The following COPG1 variants were observed in gnomAD, a reference collection of about 807,000 sequenced individuals.
The protein encoded by COPG1 is coatomer subunit gamma-1.
A neutral mutation model predicts 102.8 loss-of-function variants in COPG1; 29 were observed. The ratio of observed to expected loss-of-function variants is 0.28; its 90% CI spans 0.21 to 0.38. COPG1 has a LOEUF of 0.38. COPG1 is among the 10% of genes least tolerant of loss of function. COPG1 has a pLI of 1.00. For missense variants in COPG1, 875 were observed against 1,132.7 expected (o/e 0.77, Z 3.27); for synonymous variants, 406 against 421.6 (o/e 0.96, Z 0.45).
At chr3:129,255,708 C>T (rs533628455) in intron 7 of COPG1, among the ~76,000 whole-genome samples, 4 of 151,378 alleles carry the variant, frequency 2.6e-5, no homozygotes, top group Non-Finnish European at 5.9e-5. Context: ...GTCTTGAGCT[C>T]CTGACTTCAA....
At chr3:129,253,121 G>A in intron 5 of COPG1, 166 bp downstream of exon 5, 2 of 570,148 alleles carry the variant, frequency 3.5e-6, no homozygotes. Context: ...CAGGTGTGCT[G>A]TTTCTATTTT....
intron 1 of COPG1, 80 bp downstream of exon 1, chr3:129,249,826 G>A (rs1939654702): frequency 4.8e-6 from 7 of 1,450,996 alleles, no homozygotes; most frequent in Non-Finnish European, 4.7e-6. Flanking sequence ...GTCCTGACCC[G>A]GAGGCTGAGG....
intron 10 of COPG1, 134 bp downstream of exon 10, chr3:129,257,994 C>T: frequency 1.8e-6 from 2 of 1,111,878 alleles, no homozygotes; most frequent in South Asian, 3.1e-5. Flanking sequence ...AAGCACCTGC[C>T]CCAGACACTA....
At chr3:129,272,577 A>G (rs568701627) in intron 20 of COPG1, among the ~76,000 whole-genome samples, 162 bp downstream of exon 20, 1 of 151,788 alleles carries the variant, frequency 6.6e-6, no homozygotes, top group African/African-American at 2.4e-5. Context: ...CTTCTTTAAA[A>G]ATTTTTTTTT....
chr3:129,255,976 T>C, intron 7 of COPG1, 92 bp from the exon 8 acceptor site: 1 of 1,090,428 alleles, frequency 9.2e-7, no homozygotes, highest in East Asian at 2.4e-5. Flanking sequence ...GGCGAGCCCC[T>C]GAGCTGTGTC....
In COPG1 at chr3:129,249,634, A is replaced by T; in HGVS notation, c.-76A>T. The T allele has an allele frequency of 6.6e-7, 1 of 1,508,324 alleles. No individual in the cohort carries two copies. Among genetic ancestry groups the T allele is most frequent in the Non-Finnish European group, 9.0e-7 (1 of 1,110,320 alleles). The allele number at this position is 1,508,324 out of a possible 1,614,324, so 93.4% of individuals were successfully genotyped here. On this transcript the variant is annotated 5_prime_UTR_variant, in exon 1 of 24. Coordinates refer to ENST00000314797, the MANE Select transcript of COPG1 (RefSeq NM_016128.4). ...CGGGGCCCGGAAGTGGTCCCTGTAG[A>T]ACCACTGTGGCACCGCTACTCCGTG...
At chr3:129,263,720 G>C (rs1177058150) in intron 12 of COPG1, among the ~76,000 whole-genome samples, 184 bp from the exon 13 acceptor site, 1 of 149,644 alleles carries the variant, frequency 6.7e-6, no homozygotes, top group Non-Finnish European at 1.5e-5. Flanking sequence ...CACTGCCTTG[G>C]GTGGGCTCAG....
rs184639902 is a variant in COPG1, at chr3:129,275,035, T to C, written c.2395+59T>C. On this transcript the variant is annotated intron_variant, in intron 22 of 23. Transcript: ENST00000314797. This position sits in a 1 kb window ranked among gnomAD's most constrained non-coding sequence, Gnocchi z 5.0. ...TACTGTTCAAGATCTTTGGCTACTA[T>C]TGAAGTGCTCATCCCTTTTCTCTCC... 81 of 1,586,846 alleles carry C rather than the reference T, an allele frequency of 5.1e-5. No individual in the cohort carries two copies. In the African/African-American group the frequency reaches 8.9e-4, roughly 17 times the overall value.
rs200180851 is a variant in COPG1, at chr3:129,254,951, G to A, written c.400-34G>A. The A allele has an allele frequency of 3.8e-6, 6 of 1,567,950 alleles. No homozygotes were observed. The East Asian group carries it at 1.3e-4, about 35-fold the overall frequency. The stretch of plus-strand genomic sequence containing the variant: ...TCCTGAGAGCTGCCAAGGACTGACT[G>A]GATCTCCTTCCACCCTGCTCCTTTT... On this transcript the variant is annotated intron_variant, in intron 6 of 23. Transcript: ENST00000314797.
chr3:129,271,324 GATAAAT>G lies in COPG1; in HGVS notation c.1844-439_1844-434del, dbSNP rs562322878. The stretch of plus-strand genomic sequence containing the variant: ...TCTTTATTGGCCATTTGTCTTAACT[GATAAAT>G]ATATAGGACCAGTTTGTTATTTTGT... On this transcript the variant is annotated intron_variant, in intron 18 of 23. Coordinates refer to ENST00000314797, the MANE Select transcript of COPG1 (RefSeq NM_016128.4). This position sits in a 1 kb window ranked among gnomAD's most constrained non-coding sequence, Gnocchi z 4.7. Among the ~76,000 whole-genome samples, 44 of 152,324 alleles carry G rather than the reference GATAAAT, an allele frequency of 2.9e-4. No individual in the cohort carries two copies. Among genetic ancestry groups the G allele is most frequent in the Admixed American group, 2.7e-3 (42 of 15,302 alleles).
Position 129,275,210 on chromosome 3 carries a change from T to G in COPG1, c.2412T>G (p.Ile804Met). The G allele has an allele frequency of 6.2e-7, 1 of 1,614,154 alleles. No homozygotes were observed. The highest frequency in any genetic ancestry group is 8.5e-7 in the Non-Finnish European group (1 of 1,179,978). ...TCATTACAGAGGCTGTGGGTAATAT[T>G]GTGAAGTTCTTGGGAATGCACCCTT... ...IKTLEEAVGNIVKFLGMHPCE... is the reference protein window; with the variant it reads ...IKTLEEAVGNMVKFLGMHPCE... Residue 804 changes from isoleucine (I) to methionine (M), a missense_variant, in exon 23 of 24, where the codon ATT becomes ATG. Coordinates refer to ENST00000314797, the MANE Select transcript of COPG1 (RefSeq NM_016128.4). This position sits in a 1 kb window ranked among gnomAD's most constrained non-coding sequence, Gnocchi z 5.0.
chr3:129,267,880 T>C, intron 15 of COPG1, 57 bp from the exon 16 acceptor site: 2 of 1,344,458 alleles, frequency 1.5e-6, no homozygotes, highest in East Asian at 4.6e-5. Context: ...CCATGCAGGA[T>C]CCCTCCTGCC....
intron 10 of COPG1, among the ~76,000 whole-genome samples, chr3:129,259,293 T>G (rs1026369550): frequency 2.0e-5 from 3 of 151,960 alleles, no homozygotes; most frequent in Non-Finnish European, 2.9e-5. Context: ...AAACCCCATC[T>G]CTACTAAAAA....
At chr3:129,260,886 G>T (rs1939913446) in intron 12 of COPG1, 79 bp downstream of exon 12, 4 of 1,464,552 alleles carry the variant, frequency 2.7e-6, no homozygotes, top group Non-Finnish European at 2.8e-6. Flanking sequence ...CAGCCTTCCT[G>T]CCAGGACTGA....
At chr3:129,272,182 T>C (rs1402584426) in intron 19 of COPG1, 62 bp from the exon 20 acceptor site, 1 of 1,486,582 alleles carries the variant, frequency 6.7e-7, no homozygotes, top group East Asian at 2.3e-5. Context: ...CTCCTGGCTT[T>C]TCCTCTGCAG....
At chr3:129,274,112 G>A (rs1022610645) in intron 21 of COPG1, 33 of 455,908 alleles carry the variant, frequency 7.2e-5, no homozygotes, top group Non-Finnish European at 1.3e-4. Context: ...AAATGACCCC[G>A]AGGCAGGAGC....
intron 4 of COPG1, 27 bp downstream of exon 4, chr3:129,252,721 G>T (rs769372391): frequency 6.2e-7 from 1 of 1,607,722 alleles, no homozygotes; most frequent in South Asian, 1.1e-5. Context: ...AGCTTTCCTT[G>T]AGAGGTGGCA....
intron 7 of COPG1, among the ~76,000 whole-genome samples, chr3:129,255,489 T>C (rs1429818054): frequency 6.9e-6 from 1 of 144,176 alleles, no homozygotes; most frequent in African/African-American, 2.5e-5. Context: ...TCTTTCTTCT[T>C]TTTTTTTTTT....
rs1422700576 is a variant in COPG1 at position 129,252,709 on chromosome 3, C to G, written c.243+15C>G. ...AGTCCAATGATGTAAGTGCCTCAAC[C>G]CAGCTTTCCTTGAGAGGTGGCAGCT... On this transcript the variant is annotated intron_variant, in intron 4 of 23. Transcript: ENST00000314797. The G allele has an allele frequency of 6.2e-7, 1 of 1,612,460 alleles. No individual in the cohort carries two copies. Among genetic ancestry groups the G allele is most frequent in the African/African-American group, 1.3e-5 (1 of 75,000 alleles).
Sources: allele counts gnomAD v4.1 joint callset (sites outside exome capture counted in the v4.1 genomes callset), GRCh38; gene constraint gnomAD v4.1.1; non-coding constraint Gnocchi (gnomAD v3.1); transcripts MANE v1.5; gene names NCBI Gene and HGNC (gene_info 2026-07-23, HGNC 2026-07-21).